The following HDAC9 variants were observed in gnomAD, a reference collection of about 807,000 sequenced individuals.
HDAC9 encodes MEF-2 interacting transcription repressor (MITR) protein.
HDAC9 carries 41 observed loss-of-function variants against 139.4 expected under a neutral mutation model. The observed-to-expected ratio is 0.29, with a 90% confidence interval of 0.23 to 0.38. The LOEUF is 0.38. Ranked by LOEUF, HDAC9 falls within the 10% of genes least tolerant of loss-of-function variation. The probability of loss-of-function intolerance (pLI) is 1.00; values close to 1 mark genes in which losing one functional copy is unlikely to be tolerated. For missense variants in HDAC9, 1,147 were observed against 1,297.0 expected (o/e 0.88, Z 1.78); for synonymous variants, 517 against 476.2 (o/e 1.09, Z -1.12).
intron 2 of HDAC9, among the ~76,000 whole-genome samples, chr7:18,531,922 C>CA (rs1809118344): frequency 6.6e-6 from 1 of 152,144 alleles, no homozygotes; most frequent in Middle Eastern, 3.2e-3. Flanking sequence ...TTGTCAAATA[C>CA]ATTTTTTGGT....
intron 1 of HDAC9, among the ~76,000 whole-genome samples, chr7:18,442,052 G>T (rs1791825538): frequency 6.6e-6 from 1 of 152,156 alleles, no homozygotes; most frequent in Non-Finnish European, 1.5e-5. Context: ...TTACAGACGT[G>T]AGCCCCTGTG....
rs572063484 is a variant in HDAC9, at chr7:18,857,782, G to GA, written c.2685-16690dup. ...ATGTTCCAGGAATAAATTAATAAATGAAAAAATCTATGAAAAGACAAACTT... is the reference window on the plus strand; with the variant it reads ...ATGTTCCAGGAATAAATTAATAAATGAAAAAAATCTATGAAAAGACAAACTT... On this transcript the variant is annotated intron_variant, in intron 21 of 25. Coordinates refer to ENST00000686413, the MANE Select transcript of HDAC9 (RefSeq NM_178425.4). Among the ~76,000 whole-genome samples the GA allele has an allele frequency of 7.2e-3, 1,095 of 152,076 alleles. 17 individuals carry two copies. Among genetic ancestry groups the GA allele is most frequent in the African/African-American group, 0.025 (1,022 of 41,476 alleles).
At chr7:18,894,997 G>A (rs1385843966) in intron 22 of HDAC9, among the ~76,000 whole-genome samples, 2 of 152,040 alleles carry the variant, frequency 1.3e-5, no homozygotes, top group Admixed American at 6.6e-5. Context: ...AGGAACAAAG[G>A]TAATCACTGA....
chr7:18,230,409 G>A (rs1234849273), intron 2 of HDAC9, among the ~76,000 whole-genome samples: 2 of 152,160 alleles, frequency 1.3e-5, no homozygotes, highest in African/African-American at 2.4e-5. Context: ...ATGCCTTTGC[G>A]TGGTTCCTGA....
chr7:18,669,924 T>C (rs1336219417), intron 12 of HDAC9, among the ~76,000 whole-genome samples: 1 of 151,908 alleles, frequency 6.6e-6, no homozygotes, highest in African/African-American at 2.4e-5. Flanking sequence ...CTGAGAAAGA[T>C]AGTCTTCTAG....
intron 23 of HDAC9, among the ~76,000 whole-genome samples, chr7:18,952,495 T>C (rs17140374): frequency 0.15 from 23,094 of 151,982 alleles, 1,845 homozygotes; most frequent in Middle Eastern, 0.25. Context: ...TTCTTAAATA[T>C]TGGAACATAG....
chr7:18,538,479 G>A (rs1307627515), intron 2 of HDAC9, among the ~76,000 whole-genome samples: 1 of 152,174 alleles, frequency 6.6e-6, no homozygotes, highest in Non-Finnish European at 1.5e-5. Context: ...GCACGTGTTT[G>A]GGAATCAGAT....
At chr7:18,818,031 G>C (rs1300746627) in intron 17 of HDAC9, among the ~76,000 whole-genome samples, 5 of 152,194 alleles carry the variant, frequency 3.3e-5, no homozygotes, top group African/African-American at 9.7e-5. Flanking sequence ...GGCTTCCAGT[G>C]AAATAGTTCA....
At position 18,874,463 on chromosome 7, in the gene HDAC9, A is replaced by G. The variant is rs1260425508; in HGVS notation, c.2685-15A>G. The G allele has an allele frequency of 6.5e-7, 1 of 1,549,294 alleles. No individual in the cohort carries two copies. The highest frequency in any genetic ancestry group is 1.2e-5 in the South Asian group (1 of 85,098). ...ACCAGTCCCACGTGTGACCGGTTGC[A>G]TTTTTACTGTGCAGGACCATCGTGA... On this transcript the variant is annotated splice_polypyrimidine_tract_variant and intron_variant, in intron 21 of 25. Coordinates refer to ENST00000686413, the MANE Select transcript of HDAC9 (RefSeq NM_178425.4).
In HDAC9 at chr7:18,989,701, T is replaced by A. The variant is rs547528292; in HGVS notation, c.3171-6322T>A. Among the ~76,000 whole-genome samples, 240 of 145,858 alleles carry A rather than the reference T, an allele frequency of 1.6e-3. 3 individuals are homozygous for A. Among genetic ancestry groups the A allele is most frequent in the African/African-American group, 5.9e-3 (229 of 38,644 alleles). Reference sequence around the variant, plus strand: ...CACTTTCAGGTACACCAATCAGACGTAGATTTGGTCTTTTCACATAGTCCC... The same window carrying A: ...CACTTTCAGGTACACCAATCAGACGAAGATTTGGTCTTTTCACATAGTCCC... On this transcript the variant is annotated intron_variant, in intron 25 of 25. Transcript: ENST00000686413.
chr7:18,634,025 A>G (rs1562670691), intron 7 of HDAC9, among the ~76,000 whole-genome samples: 1 of 152,006 alleles, frequency 6.6e-6, no homozygotes, highest in Non-Finnish European at 1.5e-5. Context: ...TCTGGAAAAT[A>G]AGTTGAGTAG....
intron 1 of HDAC9, among the ~76,000 whole-genome samples, chr7:18,148,576 C>T (rs1290140635): frequency 6.6e-6 from 1 of 152,204 alleles, no homozygotes; most frequent in Non-Finnish European, 1.5e-5. Context: ...CCCACCTCAG[C>T]CTCCTGAGTA....
chr7:18,920,355 C>A (rs1803584746), intron 22 of HDAC9, among the ~76,000 whole-genome samples: 1 of 152,092 alleles, frequency 6.6e-6, no homozygotes, highest in African/African-American at 2.4e-5. Flanking sequence ...TATCCTGAGA[C>A]TTTGCTGAAG....
chr7:18,489,092 T>G (rs979824013), intron 1 of HDAC9, among the ~76,000 whole-genome samples: 1 of 152,026 alleles, frequency 6.6e-6, no homozygotes, highest in African/African-American at 2.4e-5. Context: ...TCAAGATCAG[T>G]AGTCACTTAA....
intron 4 of HDAC9, 21 bp downstream of exon 4, chr7:18,590,507 C>T (rs765776993): frequency 6.3e-7 from 1 of 1,580,990 alleles, no homozygotes; most frequent in Non-Finnish European, 8.6e-7. Flanking sequence ...CCAGGGTAAA[C>T]GATGGACTCT....
chr7:18,671,581 A>G (rs578192572), intron 12 of HDAC9, among the ~76,000 whole-genome samples: 2 of 152,090 alleles, frequency 1.3e-5, no homozygotes, highest in African/African-American at 4.8e-5. Context: ...AGTATAGGCA[A>G]TTCTCACTAT....
intron 1 of HDAC9, among the ~76,000 whole-genome samples, chr7:18,448,101 GT>G (rs1792465074): frequency 1.3e-5 from 2 of 152,174 alleles, no homozygotes; most frequent in Non-Finnish European, 2.9e-5. Flanking sequence ...CAGGCCTCAA[GT>G]GATCCACCCA....
chr7:18,880,132 G>C (rs1799622164), intron 22 of HDAC9, among the ~76,000 whole-genome samples: 2 of 152,134 alleles, frequency 1.3e-5, no homozygotes, highest in Admixed American at 6.6e-5. Context: ...GGTCAGAATG[G>C]CTATTAAGAA....
chr7:18,639,967 C>T (rs956080973), intron 8 of HDAC9, among the ~76,000 whole-genome samples: 22 of 151,966 alleles, frequency 1.4e-4, no homozygotes, highest in African/African-American at 5.3e-4. Context: ...TTCACAAGTC[C>T]AGGCTGCTCC....
Sources: allele counts gnomAD v4.1 joint callset (sites outside exome capture counted in the v4.1 genomes callset), GRCh38; gene constraint gnomAD v4.1.1; transcripts MANE v1.5; gene names NCBI Gene and HGNC (gene_info 2026-07-23, HGNC 2026-07-21).